Variants in NAALADL2 observed in about 807,000 individuals in gnomAD.
NAALADL2 encodes the protein inactive N-acetylated-alpha-linked acidic dipeptidase-like protein 2.
In NAALADL2, 76 loss-of-function variants were observed where a neutral mutation model predicts 87.2. That is an observed-to-expected ratio of 0.87 (90% CI 0.72 to 1.05). NAALADL2 has a LOEUF of 1.05. Ranked by LOEUF, NAALADL2 falls within the 50% of genes least tolerant of loss-of-function variation. The pLI, the probability that NAALADL2 is intolerant of heterozygous loss-of-function variation, is 0.00. For missense variants in NAALADL2, 1,089 were observed against 945.8 expected (o/e 1.15, Z -1.99); for synonymous variants, 354 against 331.0 (o/e 1.07, Z -0.75).
At chr3:175,220,848 G>C (rs929065157) in intron 2 of NAALADL2, among the ~76,000 whole-genome samples, 2 of 151,972 alleles carry the variant, frequency 1.3e-5, no homozygotes, top group Non-Finnish European at 1.5e-5. Flanking sequence ...TCTAAGCACT[G>C]CTTTAGCTGA....
intron 11 of NAALADL2, among the ~76,000 whole-genome samples, chr3:175,726,631 T>C (rs1414614115): frequency 6.6e-6 from 1 of 152,122 alleles, no homozygotes; most frequent in Admixed American, 6.6e-5. Context: ...GACTTGATAA[T>C]GTGCTTTCTA....
intron 1 of NAALADL2, among the ~76,000 whole-genome samples, chr3:174,896,315 T>TA (rs1184566017): frequency 1.3e-5 from 2 of 151,932 alleles, no homozygotes; most frequent in Admixed American, 6.6e-5. Flanking sequence ...TTAGAACTGA[T>TA]AAAAAAAATT....
At chr3:174,729,251 G>C (rs1474444865) in intron 2 of NAALADL2, among the ~76,000 whole-genome samples, 1 of 151,982 alleles carries the variant, frequency 6.6e-6, no homozygotes, top group Admixed American at 6.6e-5. Flanking sequence ...CACCATTACT[G>C]AGGCTTACTA....
At chr3:175,136,516 C>T (rs779552839) in intron 2 of NAALADL2, among the ~76,000 whole-genome samples, 51 of 152,042 alleles carry the variant, frequency 3.4e-4, no homozygotes, top group Non-Finnish European at 6.3e-4. Context: ...ACCAGGAGGC[C>T]AATGTTAGGG....
intron 3 of NAALADL2, among the ~76,000 whole-genome samples, chr3:174,807,646 G>A (rs1012588292): frequency 2.6e-5 from 4 of 151,920 alleles, no homozygotes; most frequent in African/African-American, 7.2e-5. Flanking sequence ...GAACAGCGTT[G>A]AATAATAAAT....
intron 1 of NAALADL2, among the ~76,000 whole-genome samples, chr3:174,460,585 C>CTTTTTTCTTT (rs1214921175): frequency 1.3e-5 from 2 of 151,496 alleles, no homozygotes; most frequent in South Asian, 4.2e-4. Context: ...TTTTTTCCTT[C>CTTTTTTCTTT]TTTTTTCTTT....
intron 3 of NAALADL2, among the ~76,000 whole-genome samples, chr3:174,782,255 A>G (rs1444902552): frequency 6.6e-6 from 1 of 152,180 alleles, no homozygotes; most frequent in Admixed American, 6.6e-5. Flanking sequence ...GTGTTCGCCC[A>G]GTGAAACACA....
rs1754488103 is a variant in NAALADL2, at chr3:175,803,985, AC to A, written c.*783del. 2 of 152,272 alleles carry A rather than the reference AC, an allele frequency of 1.3e-5. No individual in the cohort carries two copies. The highest frequency in any genetic ancestry group is 4.8e-5 in the African/African-American group (2 of 41,410). The allele number at this position is 152,272 out of a possible 1,614,324, so 9.4% of individuals were successfully genotyped here. On this transcript the variant is annotated 3_prime_UTR_variant, in exon 14 of 14. Transcript: ENST00000454872. ...GAGGGAGAAAAAAATATTTCTTATTACTTTTTCTCTTGTTTCTGTTGGAAAC... is the reference window on the plus strand; with the variant it reads ...GAGGGAGAAAAAAATATTTCTTATTATTTTTCTCTTGTTTCTGTTGGAAAC...
intron 1 of NAALADL2, among the ~76,000 whole-genome samples, chr3:174,875,112 C>CAAAAAAAAA (rs10547300): frequency 4.8e-5 from 2 of 41,534 alleles, no homozygotes; most frequent in Non-Finnish European, 9.0e-5. Context: ...GACCCTGTCT[C>CAAAAAAAAA]AAAAAAAAAA....
intron 11 of NAALADL2, among the ~76,000 whole-genome samples, chr3:175,637,543 C>G (rs1470004542): frequency 1.3e-5 from 2 of 152,076 alleles, no homozygotes; most frequent in Non-Finnish European, 2.9e-5. Context: ...AGTGAGTTCC[C>G]ACTAGAGTTG....
At chr3:175,620,631 G>A (rs755874399) in intron 10 of NAALADL2, among the ~76,000 whole-genome samples, 2 of 152,158 alleles carry the variant, frequency 1.3e-5, no homozygotes, top group Non-Finnish European at 1.5e-5. Context: ...CGAGCAGGAG[G>A]GGGTGTGTTA....
chr3:174,954,172 C>A (rs1442154347), intron 1 of NAALADL2, among the ~76,000 whole-genome samples: 1 of 151,978 alleles, frequency 6.6e-6, no homozygotes, highest in Non-Finnish European at 1.5e-5. Context: ...TGAATACTGA[C>A]AAAACAAATC....
chr3:175,000,335 C>G (rs911193738), intron 1 of NAALADL2, among the ~76,000 whole-genome samples: 2 of 152,178 alleles, frequency 1.3e-5, no homozygotes, highest in African/African-American at 4.8e-5. Flanking sequence ...CTTTTTGAAG[C>G]TTTGCTAATA....
chr3:174,839,912 A>G (rs909292333), intron 3 of NAALADL2, among the ~76,000 whole-genome samples: 5 of 152,158 alleles, frequency 3.3e-5, no homozygotes, highest in East Asian at 1.9e-4. Context: ...AGGAATGTAA[A>G]CTAGTACAAT....
chr3:175,129,509 A>G (rs1308564162), intron 2 of NAALADL2, among the ~76,000 whole-genome samples: 2 of 152,116 alleles, frequency 1.3e-5, no homozygotes, highest in Admixed American at 6.6e-5. Context: ...TGACCATTCT[A>G]TACTCTGCTT....
intron 5 of NAALADL2, among the ~76,000 whole-genome samples, chr3:175,353,316 G>A (rs889935295): frequency 5.3e-5 from 8 of 152,000 alleles, no homozygotes; most frequent in African/African-American, 1.7e-4. Context: ...TGTTCAGCCT[G>A]GGCAACGTAG....
intron 2 of NAALADL2, among the ~76,000 whole-genome samples, chr3:174,706,566 T>C (rs906274649): frequency 1.3e-5 from 2 of 152,168 alleles, no homozygotes; most frequent in African/African-American, 4.8e-5. Context: ...ATTGCAAAAA[T>C]TTTCTCCTAT....
intron 1 of NAALADL2, among the ~76,000 whole-genome samples, chr3:175,051,177 T>G (rs778852400): frequency 2.0e-4 from 31 of 152,234 alleles, no homozygotes; most frequent in Admixed American, 2.0e-4. Flanking sequence ...CATCCAACCT[T>G]AAGATTTGAA....
At chr3:174,990,555 A>C (rs537134616) in intron 1 of NAALADL2, among the ~76,000 whole-genome samples, 1 of 152,186 alleles carries the variant, frequency 6.6e-6, no homozygotes, top group African/African-American at 2.4e-5. Context: ...TTAAATAAGC[A>C]TAGCTTTTTA....
Sources: gnomAD v4.1 joint callset for allele counts (sites outside exome capture counted in the v4.1 genomes callset) on GRCh38, gnomAD v4.1.1 for gene constraint, MANE v1.5 for transcripts, NCBI Gene and HGNC (gene_info 2026-07-23, HGNC 2026-07-21) for gene names.